Variants in SHLD1 observed in about 807,000 individuals in gnomAD.
The protein encoded by SHLD1 is shieldin complex subunit 1.
Under a neutral mutation model 5.5 loss-of-function variants are expected in SHLD1, and 3 were observed. The observed-to-expected ratio is 0.54, with a 90% confidence interval of 0.25 to 1.40. The LOEUF is 1.40. Among genes scored for constraint, SHLD1 ranks in the 40% most tolerant of loss-of-function variants. The pLI, the probability that SHLD1 is intolerant of heterozygous loss-of-function variation, is 0.15. For missense variants in SHLD1, 210 were observed against 244.4 expected, an observed-to-expected ratio of 0.86 and a Z score of 0.94; for synonymous variants, 92 against 94.3, an observed-to-expected ratio of 0.98 and a Z score of 0.14.
intron 2 of SHLD1, among the ~76,000 whole-genome samples, chr20:5,819,619 C>T (rs1364844688): frequency 6.6e-6 from 1 of 152,026 alleles, no homozygotes; most frequent in South Asian, 2.1e-4. Flanking sequence ...GTCAGGAGTT[C>T]GAGACCAGCC....
At chr20:5,776,627 G>A (rs535386714) in intron 2 of SHLD1, among the ~76,000 whole-genome samples, 2 of 152,160 alleles carry the variant, frequency 1.3e-5, no homozygotes, top group African/African-American at 2.4e-5. Context: ...GCCGGGCGTG[G>A]TGGCAGGCGC....
At position 5,863,528 on chromosome 20, in the gene SHLD1, C is replaced by T. The variant is rs985610723; in HGVS notation, c.*65C>T. On this transcript the variant is annotated 3_prime_UTR_variant, in exon 3 of 3. Transcript: ENST00000303142. ...GTGCCATGACCAGCAGTGTTGGTGG[C>T]CACCCAGATCCCCTAGGGTCTCTGG... is the stretch of plus-strand genomic sequence containing the variant. The T allele has an allele frequency of 3.0e-5, 44 of 1,464,832 alleles. No homozygotes were observed. The highest frequency in any genetic ancestry group is 3.9e-5 in the Non-Finnish European group (42 of 1,083,070). 90.7% of individuals were successfully genotyped at this position (1,464,832 alleles called of 1,614,324 possible). A position where few individuals can be genotyped will look rare whatever the true frequency, so the allele number is the denominator to read the frequency against.
At chr20:5,833,625 G>GAGAGAC (rs2087755458) in intron 2 of SHLD1, among the ~76,000 whole-genome samples, 1 of 151,988 alleles carries the variant, frequency 6.6e-6, no homozygotes, top group South Asian at 2.1e-4. Context: ...AAGAGAGAGA[G>GAGAGAC]AGAGACAGAG....
chr20:5,776,295 GCT>G (rs1363777417), intron 2 of SHLD1, among the ~76,000 whole-genome samples: 1 of 152,156 alleles, frequency 6.6e-6, no homozygotes, highest in Non-Finnish European at 1.5e-5. Flanking sequence ...AGCTCCAGAG[GCT>G]GGAAAGTCTA....
intron 1 of SHLD1, among the ~76,000 whole-genome samples, chr20:5,767,577 G>A (rs1984912380): frequency 6.6e-6 from 1 of 152,182 alleles, no homozygotes; most frequent in Non-Finnish European, 1.5e-5. Context: ...GCAGGCGAAT[G>A]AATTCTTGTT....
At chr20:5,830,964 T>C (rs1456906571) in intron 2 of SHLD1, among the ~76,000 whole-genome samples, 1 of 152,198 alleles carries the variant, frequency 6.6e-6, no homozygotes, top group Non-Finnish European at 1.5e-5. Context: ...GACTACATTA[T>C]GCATTAGGCA....
chr20:5,800,718 G>A (rs1251771769), intron 2 of SHLD1, among the ~76,000 whole-genome samples: 1 of 152,010 alleles, frequency 6.6e-6, no homozygotes, highest in Non-Finnish European at 1.5e-5. Context: ...TATGTACAGA[G>A]GTTGGATCAA....
chr20:5,826,743 C>G (rs188691369), intron 2 of SHLD1, among the ~76,000 whole-genome samples: 4 of 151,818 alleles, frequency 2.6e-5, no homozygotes, highest in Admixed American at 2.6e-4. Flanking sequence ...GTCACTTGGC[C>G]TCTCTGTGCC....
At chr20:5,770,471 C>A (rs564759424) in intron 1 of SHLD1, among the ~76,000 whole-genome samples, 6 of 152,300 alleles carry the variant, frequency 3.9e-5, no homozygotes, top group African/African-American at 1.4e-4. Context: ...TAACACTTCT[C>A]AAAGGCCTTC....
chr20:5,777,724 C>T (rs927255353), intron 2 of SHLD1, among the ~76,000 whole-genome samples: 3 of 152,026 alleles, frequency 2.0e-5, no homozygotes, highest in South Asian at 2.1e-4. Context: ...TGAGCCACCA[C>T]ACCCAGCTAA....
At chr20:5,784,354 T>G (rs2087027359) in intron 2 of SHLD1, among the ~76,000 whole-genome samples, 1 of 152,070 alleles carries the variant, frequency 6.6e-6, no homozygotes, top group Non-Finnish European at 1.5e-5. Flanking sequence ...TATAGTTCTC[T>G]ATAACTTTCG....
intron 2 of SHLD1, among the ~76,000 whole-genome samples, chr20:5,799,224 G>C (rs2087255973): frequency 6.6e-6 from 1 of 151,106 alleles, no homozygotes; most frequent in Non-Finnish European, 1.5e-5. Context: ...AAAATTAAAG[G>C]CTAGCCTCAC....
chr20:5,862,931 T>A (rs1503896), intron 2 of SHLD1, 93 bp from the exon 3 acceptor site: 185,619 of 1,085,512 alleles, frequency 0.17, 16,852 homozygotes, highest in East Asian at 0.21. Flanking sequence ...ACAGTAAGCA[T>A]GTTGAACTGA....
intron 2 of SHLD1, among the ~76,000 whole-genome samples, chr20:5,859,993 G>A (rs950819949): frequency 3.9e-5 from 6 of 152,166 alleles, no homozygotes; most frequent in East Asian, 1.9e-4. Context: ...GTTGCTTGGC[G>A]TTTTCTATTG....
intron 2 of SHLD1, among the ~76,000 whole-genome samples, chr20:5,850,635 C>G (rs1363126800): frequency 6.6e-6 from 1 of 151,790 alleles, no homozygotes; most frequent in Non-Finnish European, 1.5e-5. Flanking sequence ...CTCAGCCTCC[C>G]GAGTAGCTGG....
intron 2 of SHLD1, among the ~76,000 whole-genome samples, chr20:5,854,696 A>G (rs976315050): frequency 1.3e-5 from 2 of 152,188 alleles, no homozygotes; most frequent in African/African-American, 4.8e-5. Flanking sequence ...AGTCTTAATC[A>G]TTTTGAAGCA....
intron 2 of SHLD1, among the ~76,000 whole-genome samples, chr20:5,845,451 C>A (rs1002196612): frequency 6.6e-6 from 1 of 152,210 alleles, no homozygotes; most frequent in Admixed American, 6.5e-5. Context: ...TCACAGACAT[C>A]TCTTCTCTTA....
chr20:5,805,123 C>T (rs2087354073), intron 2 of SHLD1, among the ~76,000 whole-genome samples: 1 of 151,834 alleles, frequency 6.6e-6, no homozygotes, highest in East Asian at 1.9e-4. Context: ...TTCTGTTTTC[C>T]CCTCCTTAAT....
intron 2 of SHLD1, among the ~76,000 whole-genome samples, chr20:5,781,747 C>T (rs7271342): frequency 0.23 from 35,371 of 151,914 alleles, 4,135 homozygotes; most frequent in Middle Eastern, 0.32. Flanking sequence ...CCGAAGTGTT[C>T]GGATTACAGG....
Sources: allele counts gnomAD v4.1 joint callset (sites outside exome capture counted in the v4.1 genomes callset), GRCh38; gene constraint gnomAD v4.1.1; transcripts MANE v1.5; gene names NCBI Gene and HGNC (gene_info 2026-07-23, HGNC 2026-07-21).